FYB1: variants seen among roughly 807,000 people sequenced by gnomAD.
The protein encoded by FYB1 is FYN binding protein 1, also known as FYN-binding protein 1.
In FYB1, 41 loss-of-function variants were observed where a neutral mutation model predicts 94.1. The ratio of observed to expected loss-of-function variants is 0.44; its 90% CI spans 0.34 to 0.57. The LOEUF (loss-of-function observed/expected upper bound fraction) is 0.57. FYB1 is among the 20% of genes least tolerant of loss of function. The pLI, the probability that FYB1 is intolerant of heterozygous loss-of-function variation, is 0.02. For synonymous variants in FYB1, 367 were observed against 353.2 expected, an observed-to-expected ratio of 1.04 and a Z score of -0.44; for missense variants, 1,050 against 976.8, an observed-to-expected ratio of 1.07 and a Z score of -1.00.
intron 1 of FYB1, among the ~76,000 whole-genome samples, chr5:39,247,051 G>A (rs1263789499): frequency 4.7e-5 from 6 of 128,292 alleles, no homozygotes; most frequent in African/African-American, 1.8e-4. Flanking sequence ...AGATAATGGT[G>A]CACACACAAA....
chr5:39,260,093 G>A (rs1752150129), intron 1 of FYB1, among the ~76,000 whole-genome samples: 1 of 152,194 alleles, frequency 6.6e-6, no homozygotes, highest in Non-Finnish European at 1.5e-5. Context: ...TTAAAATCAT[G>A]GAGGATAGGT....
chr5:39,138,312 G>A, intron 6 of FYB1: 1 of 192,148 alleles, frequency 5.2e-6, no homozygotes, highest in Non-Finnish European at 1.1e-5. Context: ...CCCCGTGGGT[G>A]GAGCTCTGTT....
intron 1 of FYB1, among the ~76,000 whole-genome samples, chr5:39,268,240 CT>C (rs112656513): frequency 0.013 from 1,869 of 140,780 alleles, 5 homozygotes; most frequent in African/African-American, 0.022. Context: ...TTCTTTTTTT[CT>C]TTTTTTTTTT....
intron 1 of FYB1, among the ~76,000 whole-genome samples, chr5:39,243,766 T>C (rs1234696605): frequency 2.6e-5 from 4 of 152,188 alleles, no homozygotes; most frequent in Non-Finnish European, 5.9e-5. Flanking sequence ...ATTCTTCCTA[T>C]CCATGAGCAT....
intron 2 of FYB1, among the ~76,000 whole-genome samples, chr5:39,157,403 C>T (rs930729077): frequency 2.6e-5 from 4 of 152,112 alleles, no homozygotes; most frequent in South Asian, 2.1e-4. Context: ...GCTCACATAT[C>T]GGGGTGTTCT....
intron 2 of FYB1, among the ~76,000 whole-genome samples, chr5:39,168,563 C>T (rs978723490): frequency 6.6e-6 from 1 of 152,114 alleles, no homozygotes; most frequent in African/African-American, 2.4e-5. Flanking sequence ...AAAGATACCT[C>T]CACCTTATTT....
chr5:39,153,738 A>C lies in FYB1; in HGVS notation c.1136-134T>G, dbSNP rs1309288229. 3 of 733,772 alleles carry C rather than the reference A, an allele frequency of 4.1e-6. No homozygotes were observed. In the Admixed American group the frequency reaches 8.8e-5, roughly 22 times the overall value. 45.5% of individuals were successfully genotyped at this position (733,772 alleles called of 1,614,324 possible). On this transcript the variant is annotated intron_variant, in intron 2 of 18. Transcript: ENST00000512982. ...AACTGGCTATATGGAATTTTCAATAAAGAGTATGTTTATTTTATTATTATT... is the reference window on the plus strand; with the variant it reads ...AACTGGCTATATGGAATTTTCAATACAGAGTATGTTTATTTTATTATTATT...
intron 1 of FYB1, chr5:39,269,750 G>C (rs1339924384): frequency 2.6e-5 from 4 of 152,198 alleles, no homozygotes; most frequent in Non-Finnish European, 4.4e-5. Flanking sequence ...CTTCTCACTG[G>C]GGGCTGACAA....
chr5:39,135,344 G>A (rs1220813619), intron 7 of FYB1, among the ~76,000 whole-genome samples: 2 of 152,234 alleles, frequency 1.3e-5, no homozygotes, highest in Middle Eastern at 3.2e-3. Flanking sequence ...AATCCATGCT[G>A]TGTGCTATGT....
chr5:39,223,159 C>A (rs1023212072), upstream of FYB1, among the ~76,000 whole-genome samples: 1 of 151,870 alleles, frequency 6.6e-6, no homozygotes, highest in African/African-American at 2.4e-5. Context: ...AAAATAAAAG[C>A]AAAAGCATTG....
rs753388620 is a variant in FYB1 at position 39,127,698 on chromosome 5, A to G, written c.1907+43T>C. 3 of 1,542,970 alleles carry G rather than the reference A, an allele frequency of 1.9e-6. No homozygotes were observed. The African/African-American group carries it at 4.2e-5, about 22-fold the overall frequency. On this transcript the variant is annotated intron_variant, in intron 11 of 18. Coordinates refer to ENST00000512982, the MANE Select transcript of FYB1 (RefSeq NM_001465.6). ...GGAAATCAAAACTAAATTTCAATGT[A>G]TATATAATAATTTGCAAAAAGCAGT... is the stretch of plus-strand genomic sequence containing the variant.
intron 1 of FYB1, chr5:39,270,462 G>T (rs777435760): frequency 5.0e-5 from 53 of 1,051,130 alleles, no homozygotes; most frequent in Non-Finnish European, 6.7e-5. Context: ...AATCCCAAAG[G>T]CTCAGAGGAC....
chr5:39,127,745 C>T lies in FYB1; in HGVS notation c.1903G>A (p.Asp635Asn). The part of the protein sequence containing the change: ...YDGIEEEDAD[D>N]GSTLQVQEKS... ...CAGTTCACTGATTATTCTTACCCATCATCAGCATCTTCCTCTTCAATCCCA... is the reference window on the plus strand; with the variant it reads ...CAGTTCACTGATTATTCTTACCCATTATCAGCATCTTCCTCTTCAATCCCA... The change falls in exon 11 of 19, where the codon GAT becomes AAT. Residue 635 changes from aspartate (D) to asparagine (N), a missense_variant. Transcript: ENST00000512982. 6.2e-7 allele frequency: 1 copy of T among 1,600,626 alleles called. No individual in the cohort carries two copies. Among genetic ancestry groups the T allele is most frequent in the Non-Finnish European group, 8.5e-7 (1 of 1,173,520 alleles).
intron 9 of FYB1, among the ~76,000 whole-genome samples, chr5:39,133,452 TACAAAAGAG>T (rs1741386290): frequency 6.6e-6 from 1 of 151,844 alleles, no homozygotes; most frequent in Non-Finnish European, 1.5e-5. Flanking sequence ...AATGGAAAAG[TACAAAAGAG>T]ACAAAAGAAT....
Position 39,138,692 on chromosome 5 carries a change from C to T in FYB1, c.1360-1G>A. 6.7e-7 allele frequency: 1 copy of T among 1,497,504 alleles called. No homozygotes were observed. The highest frequency in any genetic ancestry group is 9.2e-7 in the Non-Finnish European group (1 of 1,083,234). The allele number at this position is 1,497,504 out of a possible 1,614,324, so 92.8% of individuals were successfully genotyped here. A position where few individuals can be genotyped will look rare whatever the true frequency, so the allele number is the denominator to read the frequency against. On this transcript the variant is annotated splice_acceptor_variant, in intron 5 of 18. Coordinates refer to ENST00000512982, the MANE Select transcript of FYB1 (RefSeq NM_001465.6). LOFTEE classifies it high-confidence loss of function. ...ATGTTTCTCCTTCACTGTCTTGTTCCTGTAAAGAAAAACATTGATAATGAT... is the reference window on the plus strand; with the variant it reads ...ATGTTTCTCCTTCACTGTCTTGTTCTTGTAAAGAAAAACATTGATAATGAT...
intron 1 of FYB1, among the ~76,000 whole-genome samples, chr5:39,204,124 A>G (rs1748626220): frequency 6.6e-6 from 1 of 152,056 alleles, no homozygotes; most frequent in Non-Finnish European, 1.5e-5. Context: ...TCATCTTTCA[A>G]GGTGCAAAAC....
chr5:39,110,218 G>A (rs1044495176), intron 17 of FYB1, 138 bp downstream of exon 17: 3 of 519,538 alleles, frequency 5.8e-6, no homozygotes, highest in Non-Finnish European at 1.0e-5. Flanking sequence ...ACATGTTAAC[G>A]TTAGTATAGC....
At chr5:39,114,067 A>G (rs1018181361) in intron 16 of FYB1, among the ~76,000 whole-genome samples, 37 of 152,142 alleles carry the variant, frequency 2.4e-4, no homozygotes, top group Non-Finnish European at 2.9e-5. Flanking sequence ...GTTAAAAAAA[A>G]ATGATCAATT....
At chr5:39,118,243 A>C (rs1436768992) in intron 16 of FYB1, among the ~76,000 whole-genome samples, 1 of 152,142 alleles carries the variant, frequency 6.6e-6, no homozygotes, top group Non-Finnish European at 1.5e-5. Flanking sequence ...GTCAAAGGAG[A>C]TGGGAACTTT....
Sources: allele counts gnomAD v4.1 joint callset (sites outside exome capture counted in the v4.1 genomes callset), GRCh38; gene constraint gnomAD v4.1.1; transcripts MANE v1.5; gene names NCBI Gene and HGNC (gene_info 2026-07-23, HGNC 2026-07-21).